PARD3B: variants seen among roughly 807,000 people sequenced by gnomAD.
The protein encoded by PARD3B is par-3 family cell polarity regulator beta, also known as partitioning defective 3 homolog B.
PARD3B carries 103 observed loss-of-function variants against 130.2 expected under a neutral mutation model. That is an observed-to-expected ratio of 0.79 (90% CI 0.67 to 0.93). The LOEUF is 0.93. Among genes scored for constraint, PARD3B ranks in the 40% least tolerant of loss-of-function variants. The pLI, the probability that PARD3B is intolerant of heterozygous loss-of-function variation, is 0.00. For missense variants in PARD3B, 1,609 were observed against 1,499.2 expected (o/e 1.07, Z -1.21); for synonymous variants, 583 against 553.2 (o/e 1.05, Z -0.76).
At chr2:204,856,597 C>CACAGGCATT (rs1274359771) in intron 2 of PARD3B, among the ~76,000 whole-genome samples, 3 of 152,128 alleles carry the variant, frequency 2.0e-5, no homozygotes, top group Non-Finnish European at 4.4e-5. Context: ...TTTTGGAATG[C>CACAGGCATT]TATCCAATAA....
chr2:205,595,116 A>G (rs1331588498), intron 22 of PARD3B, among the ~76,000 whole-genome samples: 2 of 150,700 alleles, frequency 1.3e-5, no homozygotes, highest in Non-Finnish European at 2.9e-5. Flanking sequence ...GAGGCTCAGG[A>G]AGGGTATTTT....
At chr2:205,052,432 T>TATATAC (rs1699271127) in intron 4 of PARD3B, among the ~76,000 whole-genome samples, 1 of 23,952 alleles carries the variant, frequency 4.2e-5, no homozygotes, top group South Asian at 1.3e-3. Context: ...TATATATATA[T>TATATAC]ATATATATAT....
chr2:204,877,279 G>A (rs2045881903), intron 2 of PARD3B, among the ~76,000 whole-genome samples: 2 of 152,104 alleles, frequency 1.3e-5, no homozygotes, highest in African/African-American at 4.8e-5. Context: ...GATAGCATTA[G>A]GAGATATACC....
chr2:204,777,183 G>A (rs1268246253), intron 2 of PARD3B, among the ~76,000 whole-genome samples: 1 of 152,192 alleles, frequency 6.6e-6, no homozygotes, highest in Admixed American at 6.5e-5. Context: ...ACCCAGTAGA[G>A]ACCAAATAAC....
intron 18 of PARD3B, among the ~76,000 whole-genome samples, chr2:205,398,233 G>A (rs1448038147): frequency 6.6e-6 from 1 of 152,092 alleles, no homozygotes; most frequent in Non-Finnish European, 1.5e-5. Flanking sequence ...CCCGAGAGGT[G>A]GAGGTTGCAG....
chr2:205,195,098 C>T (rs1353029398), intron 15 of PARD3B, among the ~76,000 whole-genome samples: 1 of 151,900 alleles, frequency 6.6e-6, no homozygotes, highest in African/African-American at 2.4e-5. Context: ...CGCATCCAGC[C>T]GTTTTGTTTA....
At chr2:205,310,706 T>C (rs1026889526) in intron 18 of PARD3B, among the ~76,000 whole-genome samples, 1 of 122,112 alleles carries the variant, frequency 8.2e-6, no homozygotes, top group African/African-American at 2.8e-5. Context: ...TTTCTTCCTT[T>C]CTTTCTTTCT....
intron 2 of PARD3B, among the ~76,000 whole-genome samples, chr2:204,903,571 G>T (rs2046942620): frequency 6.6e-6 from 1 of 152,066 alleles, no homozygotes; most frequent in Non-Finnish European, 1.5e-5. Context: ...CTTACATGTT[G>T]CAAGAGAAAC....
At chr2:205,049,164 T>G (rs533332833) in intron 4 of PARD3B, among the ~76,000 whole-genome samples, 32 of 152,338 alleles carry the variant, frequency 2.1e-4, no homozygotes, top group South Asian at 1.9e-3. Flanking sequence ...AGAAAGTCCC[T>G]GTATTTGCCC....
intron 1 of PARD3B, among the ~76,000 whole-genome samples, chr2:204,560,618 A>G (rs2031246708): frequency 6.6e-6 from 1 of 152,052 alleles, no homozygotes; most frequent in Admixed American, 6.6e-5. Context: ...GAAGGTAAAC[A>G]TGTATGTTTT....
intron 2 of PARD3B, among the ~76,000 whole-genome samples, chr2:204,752,078 A>G (rs188460451): frequency 1.3e-5 from 2 of 152,218 alleles, no homozygotes; most frequent in Non-Finnish European, 2.9e-5. Flanking sequence ...AACTTAAAAT[A>G]TCTGATAAGC....
At chr2:204,636,883 C>A (rs2034898046) in intron 1 of PARD3B, among the ~76,000 whole-genome samples, 1 of 152,168 alleles carries the variant, frequency 6.6e-6, no homozygotes, top group Non-Finnish European at 1.5e-5. Flanking sequence ...GCAGCCTAGG[C>A]TTCTGAAACC....
At chr2:204,960,058 G>A (rs866067367) in intron 2 of PARD3B, among the ~76,000 whole-genome samples, 1 of 152,138 alleles carries the variant, frequency 6.6e-6, no homozygotes, top group Non-Finnish European at 1.5e-5. Context: ...AGCTGTTAGG[G>A]TCTAAAATGT....
chr2:205,260,851 T>C (rs1367023922), intron 16 of PARD3B, among the ~76,000 whole-genome samples: 1 of 152,082 alleles, frequency 6.6e-6, no homozygotes, highest in Non-Finnish European at 1.5e-5. Context: ...TTCAGCCCAG[T>C]CTTCTACTAA....
chr2:205,388,470 A>G (rs560015917), intron 18 of PARD3B, among the ~76,000 whole-genome samples: 28 of 152,228 alleles, frequency 1.8e-4, no homozygotes, highest in Non-Finnish European at 3.4e-4. Context: ...ATTGTAAATC[A>G]TCACTATGCG....
intron 4 of PARD3B, among the ~76,000 whole-genome samples, chr2:205,096,011 G>A (rs1385265297): frequency 6.6e-6 from 1 of 152,076 alleles, no homozygotes; most frequent in South Asian, 2.1e-4. Flanking sequence ...TCATGCCATA[G>A]ATTTATTCCT....
At chr2:205,378,311 C>A (rs770846247) in intron 18 of PARD3B, among the ~76,000 whole-genome samples, 4 of 152,186 alleles carry the variant, frequency 2.6e-5, no homozygotes, top group Non-Finnish European at 5.9e-5. Flanking sequence ...GATCTCAGTG[C>A]CCTGAACAGG....
intron 12 of PARD3B, among the ~76,000 whole-genome samples, chr2:205,173,253 G>A (rs988108311): frequency 2.6e-5 from 4 of 152,150 alleles, no homozygotes; most frequent in Admixed American, 1.3e-4. Context: ...AAAGAGTTCA[G>A]CGTAATAATT....
chr2:205,308,621 C>CAAAAAAAAAAAAAAAAAAAA (rs1252730210), intron 18 of PARD3B, among the ~76,000 whole-genome samples: 1 of 93,072 alleles, frequency 1.1e-5, no homozygotes, highest in Admixed American at 1.3e-4. Context: ...AAAAAAAAAC[C>CAAAAAAAAAAAAAAAAAAAA]AAACAACAAA....
Sources: gnomAD v4.1 joint callset for allele counts (sites outside exome capture counted in the v4.1 genomes callset) on GRCh38, gnomAD v4.1.1 for gene constraint, MANE v1.5 for transcripts, NCBI Gene and HGNC (gene_info 2026-07-23, HGNC 2026-07-21) for gene names.